FNDC1: variants seen among roughly 807,000 people sequenced by gnomAD.
FNDC1 encodes fibronectin type III domain-containing protein 1.
FNDC1 carries 96 observed loss-of-function variants against 168.0 expected under a neutral mutation model. That is an observed-to-expected ratio of 0.57 (90% confidence interval 0.48 to 0.68). The LOEUF is 0.68. Ranked by LOEUF, FNDC1 falls within the 30% of genes least tolerant of loss-of-function variation. The pLI is 0.00. For synonymous variants in FNDC1, 1,099 were observed against 1,025.9 expected, an observed-to-expected ratio of 1.07 and a Z score of -1.36; for missense variants, 2,587 against 2,482.1, an observed-to-expected ratio of 1.04 and a Z score of -0.90.
intron 4 of FNDC1, among the ~76,000 whole-genome samples, chr6:159,204,914 G>C (rs1240436160): frequency 2.0e-5 from 3 of 152,160 alleles, no homozygotes; most frequent in South Asian, 2.1e-4. Context: ...ACTTCTAGTA[G>C]GTGACTTGCT....
At position 159,233,781 on chromosome 6, in the gene FNDC1, A is replaced by T; in HGVS notation, c.3269A>T (p.Asp1090Val). The T allele has an allele frequency of 6.5e-7, 1 of 1,542,332 alleles. No individual in the cohort carries two copies. The highest frequency in any genetic ancestry group is 8.7e-7 in the Non-Finnish European group (1 of 1,143,138). The change falls in exon 11 of 23, where the codon GAT (aspartate) becomes GTT (valine). Residue 1090 changes from aspartate to valine, a missense_variant. Coordinates refer to ENST00000297267, the MANE Select transcript of FNDC1 (RefSeq NM_032532.3). This position sits in a 1 kb window ranked among gnomAD's most constrained non-coding sequence, Gnocchi z 4.6. ...GACAGCACAGAAGTCGAGGCCCAGG[A>T]TGTGCGGGCCCCCGCGCACGCCGCG... ...DDDSTEVEAQ[D>V]VRAPAHAARA...
chr6:159,195,520 C>T (rs1419695472), intron 1 of FNDC1, among the ~76,000 whole-genome samples: 7 of 152,020 alleles, frequency 4.6e-5, no homozygotes, highest in Non-Finnish European at 8.8e-5. Context: ...AGACCAATTC[C>T]GAGGGAGCAT....
chr6:159,226,416 A>C, intron 8 of FNDC1, 57 bp from the exon 9 acceptor site: 1 of 1,339,338 alleles, frequency 7.5e-7, no homozygotes, highest in Non-Finnish European at 1.0e-6. Context: ...TGTGCTATTT[A>C]CATCTAGAAT....
chr6:159,206,209 C>A (rs969375323), intron 4 of FNDC1, among the ~76,000 whole-genome samples: 4 of 152,258 alleles, frequency 2.6e-5, no homozygotes, highest in African/African-American at 9.6e-5. Context: ...TTAACATGTA[C>A]CCCAATTCAA....
chr6:159,245,603 T>C (rs957838579), intron 14 of FNDC1, among the ~76,000 whole-genome samples: 5 of 152,210 alleles, frequency 3.3e-5, no homozygotes, highest in Non-Finnish European at 7.3e-5. Flanking sequence ...ATCAATTCCA[T>C]CACATCTTTC....
At chr6:159,181,948 T>G (rs981310396) in intron 1 of FNDC1, among the ~76,000 whole-genome samples, 1 of 152,154 alleles carries the variant, frequency 6.6e-6, no homozygotes, top group Admixed American at 6.5e-5. Flanking sequence ...CTCCAGTCTG[T>G]TTTTTAATAC....
intron 14 of FNDC1, among the ~76,000 whole-genome samples, chr6:159,245,065 A>G (rs143546183): frequency 0.021 from 3,161 of 152,268 alleles, 35 homozygotes; most frequent in Non-Finnish European, 0.03. Context: ...AGAACGAGAG[A>G]GCAAGTGTGC....
At chr6:159,217,200 G>A (rs188186738) in intron 5 of FNDC1, among the ~76,000 whole-genome samples, 47 of 152,366 alleles carry the variant, frequency 3.1e-4, no homozygotes, top group Admixed American at 6.5e-4. Flanking sequence ...GGTAAAGGAG[G>A]AGAGGGGAGA....
intron 4 of FNDC1, among the ~76,000 whole-genome samples, chr6:159,211,257 GAC>G (rs1409989864): frequency 1.3e-5 from 2 of 152,272 alleles, no homozygotes; most frequent in Non-Finnish European, 2.9e-5. Context: ...CGGTCAGTGG[GAC>G]AAACCAGACA....
intron 2 of FNDC1, among the ~76,000 whole-genome samples, chr6:159,198,276 C>T (rs1782294645): frequency 6.6e-6 from 1 of 152,168 alleles, no homozygotes; most frequent in Admixed American, 6.5e-5. Context: ...CATGTCATGG[C>T]CCAACATTAA....
chr6:159,227,162 A>G (rs1443160772), intron 9 of FNDC1, among the ~76,000 whole-genome samples: 1 of 152,258 alleles, frequency 6.6e-6, no homozygotes, highest in Non-Finnish European at 1.5e-5. Context: ...ATTTTAAAAT[A>G]GTCTGTTGAG....
chr6:159,180,305 T>C (rs191162033), intron 1 of FNDC1, among the ~76,000 whole-genome samples: 1 of 152,280 alleles, frequency 6.6e-6, no homozygotes, highest in Non-Finnish European at 1.5e-5. Context: ...ATGGGATTAG[T>C]TTTGGCCATC....
intron 4 of FNDC1, among the ~76,000 whole-genome samples, chr6:159,206,582 G>A (rs1461427542): frequency 6.6e-6 from 1 of 152,190 alleles, no homozygotes; most frequent in East Asian, 1.9e-4. Flanking sequence ...CAACAGCTGG[G>A]GCTTGGACGT....
chr6:159,244,536 G>T (rs1203422622), intron 14 of FNDC1, among the ~76,000 whole-genome samples: 2 of 152,194 alleles, frequency 1.3e-5, no homozygotes, highest in Non-Finnish European at 2.9e-5. Flanking sequence ...CCCTTTGTGG[G>T]TGGAGTTTGT....
At chr6:159,254,466 T>G (rs1777332030) in intron 17 of FNDC1, among the ~76,000 whole-genome samples, 1 of 152,172 alleles carries the variant, frequency 6.6e-6, no homozygotes, top group Admixed American at 6.5e-5. Context: ...ATCACTGGGA[T>G]GTCTCCAGAG....
At chr6:159,172,663 G>T (rs1781685138) in intron 1 of FNDC1, among the ~76,000 whole-genome samples, 1 of 152,124 alleles carries the variant, frequency 6.6e-6, no homozygotes, top group South Asian at 2.1e-4. Flanking sequence ...ATGGGTAAAA[G>T]GTCTGTTCAA....
chr6:159,219,975 T>TTAGTTTGATGTTCTGTGCATCTA (rs1782786696), intron 5 of FNDC1, among the ~76,000 whole-genome samples: 1 of 152,196 alleles, frequency 6.6e-6, no homozygotes, highest in Non-Finnish European at 1.5e-5. Flanking sequence ...ATATAGAAGC[T>TTAGTTTGATGTTCTGTGCATCTA]TAGTTTGATG....
chr6:159,183,765 G>T (rs946449176), intron 1 of FNDC1, among the ~76,000 whole-genome samples: 1 of 152,210 alleles, frequency 6.6e-6, no homozygotes, highest in Non-Finnish European at 1.5e-5. Flanking sequence ...GAGAAGACTT[G>T]CTTCTAGGAG....
At chr6:159,257,165 A>G (rs962836981) in intron 18 of FNDC1, among the ~76,000 whole-genome samples, 3 of 152,232 alleles carry the variant, frequency 2.0e-5, no homozygotes, top group African/African-American at 7.2e-5. Context: ...GGCATGAAAT[A>G]GGCAAAACTG....
Sources: allele counts gnomAD v4.1 joint callset (sites outside exome capture counted in the v4.1 genomes callset), GRCh38; gene constraint gnomAD v4.1.1; non-coding constraint Gnocchi (gnomAD v3.1); transcripts MANE v1.5; gene names NCBI Gene and HGNC (gene_info 2026-07-23, HGNC 2026-07-21).